The following PCBP3 variants were observed in gnomAD, a reference collection of about 807,000 sequenced individuals.
PCBP3 encodes poly(rC) binding protein 3, also known as poly(rC)-binding protein 3.
A neutral mutation model predicts 52.7 loss-of-function variants in PCBP3; 25 were observed. The ratio of observed to expected loss-of-function variants is 0.47; its 90% CI spans 0.35 to 0.66. The LOEUF is 0.66. PCBP3 is among the 30% of genes least tolerant of loss of function. The pLI is 0.01. For missense variants in PCBP3, 391 were observed against 490.3 expected, an observed-to-expected ratio of 0.80 and a Z score of 1.91; for synonymous variants, 162 against 183.0, an observed-to-expected ratio of 0.89 and a Z score of 0.93.
At chr21:45,745,946 G>C (rs375186394) in intron 3 of PCBP3, among the ~76,000 whole-genome samples, 2 of 152,096 alleles carry the variant, frequency 1.3e-5, no homozygotes, top group Non-Finnish European at 1.5e-5. Flanking sequence ...AGCGCCACAC[G>C]GTGTTGTGTC....
chr21:45,678,316 A>AT (rs2081597495), intron 2 of PCBP3, among the ~76,000 whole-genome samples: 4 of 151,526 alleles, frequency 2.6e-5, no homozygotes, highest in South Asian at 4.1e-4. Flanking sequence ...AAAAAAAAAA[A>AT]AAAATAATAA....
chr21:45,885,472 C>G (rs9983803), intron 5 of PCBP3, among the ~76,000 whole-genome samples: 30,334 of 152,066 alleles, frequency 0.2, 3,833 homozygotes, highest in African/African-American at 0.37. Flanking sequence ...TTTTCAAGAG[C>G]CTTTATCCCC....
intron 15 of PCBP3, among the ~76,000 whole-genome samples, chr21:45,931,915 C>G (rs1214471804): frequency 1.4e-5 from 2 of 143,866 alleles, no homozygotes; most frequent in African/African-American, 5.2e-5. Flanking sequence ...GAACAAACAC[C>G]CGGGCCATGC....
chr21:45,914,433 G>T (rs8126689), intron 12 of PCBP3: 1 of 397,704 alleles, frequency 2.5e-6, no homozygotes, highest in Non-Finnish European at 4.5e-6. Flanking sequence ...CAAACTCCCA[G>T]GATGTGCTTG....
At chr21:45,649,557 A>G (rs1331681819) in intron 1 of PCBP3, among the ~76,000 whole-genome samples, 2 of 152,190 alleles carry the variant, frequency 1.3e-5, no homozygotes, top group African/African-American at 2.4e-5. Flanking sequence ...CTGCAGTGGT[A>G]CCTCTGAAAC....
chr21:45,834,497 C>T lies in PCBP3; in HGVS notation c.-125-15464C>T, dbSNP rs186993464. On this transcript the variant is annotated intron_variant, in intron 4 of 17. Transcript: ENST00000681687. ...GGGCCAGCTGCCTCCTCGCCACTGC[C>T]CAGCATAGCTTGTCCCCGTGCCCGC... Among the ~76,000 whole-genome samples, 434 of 152,314 alleles carry T rather than the reference C, an allele frequency of 2.8e-3. 3 individuals carry two copies. The highest frequency in any genetic ancestry group is 0.01 in the Middle Eastern group (3 of 294).
rs951068685 is a variant in PCBP3, at chr21:45,821,272, G to A, written c.-125-28689G>A. Among the ~76,000 whole-genome samples, 4 of 151,828 alleles carry A rather than the reference G, an allele frequency of 2.6e-5. No individual in the cohort carries two copies. Among genetic ancestry groups the A allele is most frequent in the Non-Finnish European group, 4.4e-5 (3 of 67,978 alleles). On this transcript the variant is annotated intron_variant, in intron 4 of 17. Transcript: ENST00000681687. The surrounding 1 kb of genome is among the most constrained non-coding windows in gnomAD (Gnocchi z 4.4). Reference sequence around the variant, plus strand: ...CAGGGGCTCCAAGACCCTCAGGGTCGCCAGTGACTCCTGGGTCACACTGGC... The same window carrying A: ...CAGGGGCTCCAAGACCCTCAGGGTCACCAGTGACTCCTGGGTCACACTGGC...
chr21:45,837,896 G>A lies in PCBP3; in HGVS notation c.-125-12065G>A, dbSNP rs976131952. Among the ~76,000 whole-genome samples the A allele has an allele frequency of 6.6e-6, 1 of 152,206 alleles. No homozygotes were observed. Among genetic ancestry groups the A allele is most frequent in the Non-Finnish European group, 1.5e-5 (1 of 68,042 alleles). On this transcript the variant is annotated intron_variant, in intron 4 of 17. Transcript: ENST00000681687. This position sits in a 1 kb window ranked among gnomAD's most constrained non-coding sequence, Gnocchi z 4.1. ...CAATATTCATTGATGGTCATTGCCT[G>A]GATGCAGTACACATTAGGGGCTGCA...
At chr21:45,694,487 A>G (rs1322614558) in intron 2 of PCBP3, among the ~76,000 whole-genome samples, 1 of 152,224 alleles carries the variant, frequency 6.6e-6, no homozygotes, top group South Asian at 2.1e-4. Context: ...AGGTCATTGC[A>G]TAATTATAAA....
chr21:45,650,914 A>T (rs1401084231), intron 1 of PCBP3, among the ~76,000 whole-genome samples: 3 of 152,090 alleles, frequency 2.0e-5, no homozygotes, highest in Non-Finnish European at 4.4e-5. Context: ...CTAATTTCAG[A>T]TGGGGCGGGG....
intron 5 of PCBP3, among the ~76,000 whole-genome samples, chr21:45,877,886 C>T (rs1295259679): frequency 6.6e-6 from 1 of 152,258 alleles, no homozygotes; most frequent in Non-Finnish European, 1.5e-5. Context: ...GCTGGGACTT[C>T]TGCACAGAGT....
intron 4 of PCBP3, among the ~76,000 whole-genome samples, chr21:45,796,000 G>A (rs1428040973): frequency 1.3e-5 from 2 of 152,200 alleles, no homozygotes; most frequent in African/African-American, 4.8e-5. Flanking sequence ...CAACGAAACT[G>A]CCTCAATGTA....
chr21:45,821,482 C>G lies in PCBP3; in HGVS notation c.-125-28479C>G. On this transcript the variant is annotated intron_variant, in intron 4 of 17. Coordinates refer to ENST00000681687, the MANE Select transcript of PCBP3 (RefSeq NM_001384156.1). The surrounding 1 kb of genome is among the most constrained non-coding windows in gnomAD (Gnocchi z 4.4). ...AACTCTTTTCTAGAACACTCTTCCC[C>G]CTGCACCACGCTGTGGGCCCTGTGC... 6.6e-6 allele frequency among the ~76,000 whole-genome samples: 1 copy of G among 151,398 alleles called. No individual in the cohort carries two copies. The highest frequency in any genetic ancestry group is 1.9e-4 in the East Asian group (1 of 5,144).
chr21:45,810,530 C>G (rs986823628), intron 4 of PCBP3, among the ~76,000 whole-genome samples: 4 of 152,074 alleles, frequency 2.6e-5, no homozygotes, highest in Admixed American at 1.3e-4. Flanking sequence ...TCCCAAAGTG[C>G]TGGGATTATA....
chr21:45,925,834 CAT>C (rs1260405546), intron 13 of PCBP3, among the ~76,000 whole-genome samples: 2 of 152,146 alleles, frequency 1.3e-5, no homozygotes, highest in East Asian at 3.8e-4. Context: ...ATTGACAAAA[CAT>C]AGATAATTTG....
chr21:45,765,935 A>G lies in PCBP3; in HGVS notation c.-126+10483A>G, dbSNP rs150545054. Among the ~76,000 whole-genome samples, 197 of 152,364 alleles carry G rather than the reference A, an allele frequency of 1.3e-3. 2 individuals carry two copies. Among genetic ancestry groups the G allele is most frequent in the African/African-American group, 4.4e-3 (183 of 41,588 alleles). ...ATGTATTCAAGTGGACGCCTTCAGA[A>G]GTCTCCTGGAGCCTGGAAGGATGAG... is the stretch of plus-strand genomic sequence containing the variant. On this transcript the variant is annotated intron_variant, in intron 4 of 17. Coordinates refer to ENST00000681687, the MANE Select transcript of PCBP3 (RefSeq NM_001384156.1).
At chr21:45,784,713 T>G (rs2090968341) in intron 4 of PCBP3, among the ~76,000 whole-genome samples, 1 of 152,244 alleles carries the variant, frequency 6.6e-6, no homozygotes, top group Non-Finnish European at 1.5e-5. Flanking sequence ...TCCGCCAGCC[T>G]CGGCCTCCCG....
At position 45,898,418 on chromosome 21, in the gene PCBP3, C is replaced by T. The variant is rs537901329; in HGVS notation, c.166-1181C>T. ...CTCTGCACACCGTCCTCACAGCCTCCCTCTGCACACCGTCCTCACAGCCTC... is the reference window on the plus strand; with the variant it reads ...CTCTGCACACCGTCCTCACAGCCTCTCTCTGCACACCGTCCTCACAGCCTC... On this transcript the variant is annotated intron_variant, in intron 6 of 17. Coordinates refer to ENST00000681687, the MANE Select transcript of PCBP3 (RefSeq NM_001384156.1). 2.3e-4 allele frequency among the ~76,000 whole-genome samples: 35 copies of T among 149,896 alleles called. 1 individual carries two copies. Among genetic ancestry groups the T allele is most frequent in the African/African-American group, 7.2e-4 (29 of 40,552 alleles).
At chr21:45,807,918 A>C (rs948605489) in intron 4 of PCBP3, among the ~76,000 whole-genome samples, 1 of 152,152 alleles carries the variant, frequency 6.6e-6, no homozygotes, top group African/African-American at 2.4e-5. Flanking sequence ...CTGATCTTTG[A>C]TACACCTGAC....
Sources: allele counts gnomAD v4.1 joint callset (sites outside exome capture counted in the v4.1 genomes callset), GRCh38; gene constraint gnomAD v4.1.1; non-coding constraint Gnocchi (gnomAD v3.1); transcripts MANE v1.5; gene names NCBI Gene and HGNC (gene_info 2026-07-23, HGNC 2026-07-21).